Variants in PCDH15 observed in about 807,000 individuals in gnomAD.
PCDH15 encodes the protein protocadherin related 15.
Under a neutral mutation model 178.5 loss-of-function variants are expected in PCDH15, and 129 were observed. The ratio of observed to expected loss-of-function variants is 0.72; its 90% CI spans 0.63 to 0.84. The LOEUF (loss-of-function observed/expected upper bound fraction) is 0.84. Ranked by LOEUF, PCDH15 falls within the 40% of genes least tolerant of loss-of-function variation. The pLI is 0.00. For synonymous variants in PCDH15, 800 were observed against 732.0 expected, an observed-to-expected ratio of 1.09 and a Z score of -1.50; for missense variants, 2,230 against 2,099.9, an observed-to-expected ratio of 1.06 and a Z score of -1.21.
At chr10:54,236,010 T>A (rs574101743) in intron 9 of PCDH15, among the ~76,000 whole-genome samples, 2 of 152,084 alleles carry the variant, frequency 1.3e-5, no homozygotes, top group Non-Finnish European at 2.9e-5. Context: ...TATCTGTTGG[T>A]TGTTGTGTAT....
intron 13 of PCDH15, among the ~76,000 whole-genome samples, chr10:54,157,354 T>A (rs1166759922): frequency 6.6e-6 from 1 of 152,212 alleles, no homozygotes; most frequent in African/African-American, 2.4e-5. Flanking sequence ...TCTGTGCACC[T>A]GCAGGCTCAA....
At chr10:55,411,660 T>C (rs1276207848) in intron 2 of PCDH15, among the ~76,000 whole-genome samples, 1 of 152,120 alleles carries the variant, frequency 6.6e-6, no homozygotes, top group Non-Finnish European at 1.5e-5. Context: ...TTCTACTACA[T>C]CCTTAGAGGT....
chr10:54,803,646 T>C (rs1340592797), upstream of PCDH15, among the ~76,000 whole-genome samples: 2 of 152,062 alleles, frequency 1.3e-5, no homozygotes, highest in African/African-American at 2.4e-5. Context: ...TCATACAGAG[T>C]GGTCTGTTAC....
intron 2 of PCDH15, among the ~76,000 whole-genome samples, chr10:54,643,144 C>G (rs550266200): frequency 6.6e-6 from 1 of 152,132 alleles, no homozygotes; most frequent in Non-Finnish European, 1.5e-5. Flanking sequence ...AGGCTGGTCT[C>G]AAACTCCTGA....
At chr10:54,822,286 T>C (rs1208320363) in intron 3 of PCDH15, among the ~76,000 whole-genome samples, 1 of 152,084 alleles carries the variant, frequency 6.6e-6, no homozygotes. Context: ...TTACCAAAGC[T>C]TTTATAGCTC....
At chr10:54,031,121 G>C (rs1051705066) in intron 18 of PCDH15, among the ~76,000 whole-genome samples, 1 of 152,022 alleles carries the variant, frequency 6.6e-6, no homozygotes, top group Non-Finnish European at 1.5e-5. Context: ...ATGTCAAGGG[G>C]TGCAGAAATT....
At chr10:55,173,603 TA>T (rs1418804875) in intron 1 of PCDH15, among the ~76,000 whole-genome samples, 1 of 152,052 alleles carries the variant, frequency 6.6e-6, no homozygotes, top group Non-Finnish European at 1.5e-5. Context: ...TTTATCCGTT[TA>T]AAAAAACTAT....
chr10:54,042,432 G>A (rs534178888), intron 18 of PCDH15, among the ~76,000 whole-genome samples: 67 of 152,194 alleles, frequency 4.4e-4, no homozygotes, highest in African/African-American at 1.4e-3. Flanking sequence ...TGTTTCTGGA[G>A]GACAGGGAGA....
At position 53,893,598 on chromosome 10, in the gene PCDH15, T is replaced by C. The variant is rs1343534422; in HGVS notation, c.3501+9645A>G. On this transcript the variant is annotated intron_variant, in intron 26 of 37. Transcript: ENST00000644397. ...AAGAAAATGTGGTATATATACACCA[T>C]TGAATACTAGTCAGCCATAAAAAGG... Among the ~76,000 whole-genome samples, 6 of 152,308 alleles carry C rather than the reference T, an allele frequency of 3.9e-5. 1 individual carries two copies. In the South Asian group the frequency reaches 6.2e-4, roughly 16 times the overall value.
chr10:54,273,153 C>A (rs2058143816), intron 8 of PCDH15, among the ~76,000 whole-genome samples: 1 of 151,898 alleles, frequency 6.6e-6, no homozygotes, highest in Admixed American at 6.6e-5. Flanking sequence ...TGTTTGTGAA[C>A]TTAAACAGAA....
At chr10:55,612,627 A>T (rs1843391739) in intron 2 of PCDH15, among the ~76,000 whole-genome samples, 1 of 152,194 alleles carries the variant, frequency 6.6e-6, no homozygotes, top group Non-Finnish European at 1.5e-5. Context: ...TATATTTGCA[A>T]AGTTTTTATT....
chr10:55,055,965 T>C (rs1482914197), intron 2 of PCDH15, among the ~76,000 whole-genome samples: 2 of 152,222 alleles, frequency 1.3e-5, no homozygotes, highest in African/African-American at 4.8e-5. Flanking sequence ...CTTGAAGATG[T>C]ACCTTTCATT....
chr10:54,704,624 G>A (rs2095347165), intron 1 of PCDH15, among the ~76,000 whole-genome samples: 1 of 152,100 alleles, frequency 6.6e-6, no homozygotes, highest in South Asian at 2.1e-4. Flanking sequence ...AAATCACAAT[G>A]AGATACCATC....
At chr10:53,818,103 G>A (rs926720617) in intron 33 of PCDH15, 90 bp from the exon 34 acceptor site, 10 of 395,446 alleles carry the variant, frequency 2.5e-5, no homozygotes, top group African/African-American at 1.9e-4. Flanking sequence ...TTTAAAAAAT[G>A]TCTGAGTAAA....
At chr10:54,453,692 A>G (rs1398377596) in intron 3 of PCDH15, among the ~76,000 whole-genome samples, 2 of 151,926 alleles carry the variant, frequency 1.3e-5, no homozygotes, top group East Asian at 3.9e-4. Context: ...TGAAATTCAG[A>G]CACGGAGACA....
chr10:55,070,289 C>A (rs1191639328), intron 2 of PCDH15, among the ~76,000 whole-genome samples: 1 of 152,034 alleles, frequency 6.6e-6, no homozygotes, highest in African/African-American at 2.4e-5. Context: ...TTAATTAGAT[C>A]CCATTTGTCA....
At chr10:54,925,430 T>G (rs948304749) in intron 2 of PCDH15, among the ~76,000 whole-genome samples, 2 of 8,546 alleles carry the variant, frequency 2.3e-4, no homozygotes, top group Admixed American at 7.2e-4. Context: ...ATTCAGGCGT[T>G]TTTTTTTGTT....
chr10:55,104,024 A>G (rs1023395699), intron 2 of PCDH15, among the ~76,000 whole-genome samples: 2 of 152,180 alleles, frequency 1.3e-5, no homozygotes, highest in African/African-American at 2.4e-5. Flanking sequence ...TAGCAGGTTT[A>G]TAGATAAGGG....
At chr10:54,997,182 T>G (rs1043887164) in intron 2 of PCDH15, among the ~76,000 whole-genome samples, 6 of 152,030 alleles carry the variant, frequency 3.9e-5, no homozygotes, top group Admixed American at 3.3e-4. Context: ...CTTCACTGGA[T>G]TACCTATGGG....
Sources: allele counts gnomAD v4.1 joint callset (sites outside exome capture counted in the v4.1 genomes callset), GRCh38; gene constraint gnomAD v4.1.1; transcripts MANE v1.5; gene names NCBI Gene and HGNC (gene_info 2026-07-23, HGNC 2026-07-21).